The following ZNF503 variants were observed in gnomAD, a reference collection of about 807,000 sequenced individuals.
ZNF503 encodes the protein zinc finger protein 503.
ZNF503 carries 15 observed loss-of-function variants against 34.4 expected under a neutral mutation model. The ratio of observed to expected loss-of-function variants is 0.44; its 90% CI spans 0.29 to 0.67. ZNF503 has a LOEUF of 0.67. ZNF503 is among the 30% of genes least tolerant of loss of function. ZNF503 has a pLI of 0.13. For missense variants in ZNF503, 1,007 were observed against 926.8 expected, an observed-to-expected ratio of 1.09 and a Z score of -1.12; for synonymous variants, 580 against 456.8, an observed-to-expected ratio of 1.27 and a Z score of -3.44.
chr10:75,380,817 T>A, the ZNF503 span, among the ~76,000 whole-genome samples: 1 of 152,130 alleles, frequency 6.6e-6, no homozygotes. Flanking sequence ...TAATATTGTT[T>A]CAAAGTTCCA....
the ZNF503 span, among the ~76,000 whole-genome samples, chr10:75,371,853 TCTTAC>T: frequency 6.6e-6 from 1 of 152,190 alleles, no homozygotes; most frequent in African/African-American, 2.4e-5. Flanking sequence ...ACACCTACCA[TCTTAC>T]CTCTGCCACT....
At chr10:75,378,212 G>C in the ZNF503 span, among the ~76,000 whole-genome samples, 1 of 152,098 alleles carries the variant, frequency 6.6e-6, no homozygotes, top group Non-Finnish European at 1.5e-5. Flanking sequence ...TGAGGACACA[G>C]ATCCAAACCA....
the ZNF503 span, chr10:75,343,282 G>C: frequency 1.3e-5 from 2 of 152,250 alleles, no homozygotes; most frequent in African/African-American, 4.8e-5. Flanking sequence ...ACTCAGCCCA[G>C]GCTGCTGTGG....
chr10:75,302,370 G>T, the ZNF503 span, among the ~76,000 whole-genome samples: 10 of 73,994 alleles, frequency 1.4e-4, no homozygotes, highest in East Asian at 3.5e-3. Context: ...TCCTACTTGG[G>T]GTTTATTGAG....
chr10:75,396,385 A>C (rs1294818839), downstream of ZNF503, among the ~76,000 whole-genome samples: 1 of 152,148 alleles, frequency 6.6e-6, no homozygotes, highest in Admixed American at 6.5e-5. The surrounding 1 kb of genome is among the most constrained non-coding windows in gnomAD (Gnocchi z 4.4). Context: ...GTCCCCACCA[A>C]GTCAGTTCCA....
the ZNF503 span, among the ~76,000 whole-genome samples, chr10:75,316,315 T>G: frequency 6.6e-6 from 1 of 152,122 alleles, no homozygotes; most frequent in Non-Finnish European, 1.5e-5. Context: ...ATAGATGATA[T>G]GTTAGGCCAC....
the ZNF503 span, chr10:75,350,341 G>C: frequency 6.6e-6 from 1 of 152,314 alleles, no homozygotes; most frequent in Admixed American, 6.5e-5. Context: ...GAAAGGCAGT[G>C]CTGTTGTTAG....
downstream of ZNF503, among the ~76,000 whole-genome samples, chr10:75,395,753 C>T (rs1843689654): frequency 6.6e-6 from 1 of 152,234 alleles, no homozygotes; most frequent in Non-Finnish European, 1.5e-5. This position sits in a 1 kb window ranked among gnomAD's most constrained non-coding sequence, Gnocchi z 4.4. Context: ...GGCGCCCCAG[C>T]GCCGGAACGC....
chr10:75,351,177 T>G, the ZNF503 span, among the ~76,000 whole-genome samples: 1 of 152,124 alleles, frequency 6.6e-6, no homozygotes, highest in Admixed American at 6.6e-5. Context: ...GGTGGCAATT[T>G]TTTTTTCTTT....
the ZNF503 span, among the ~76,000 whole-genome samples, chr10:75,321,378 T>C: frequency 6.6e-6 from 1 of 152,162 alleles, no homozygotes; most frequent in African/African-American, 2.4e-5. Context: ...GATATTGCTA[T>C]AAAGATACCT....
rs1464228996 is a variant in ZNF503, at chr10:75,401,758, G to C, written c.-339C>G. ...ATGCGAGCCGCTGCGTGTCCAGCCG[G>C]GGCTCTGGCGAGGAAACTCACTTCA... is the stretch of plus-strand genomic sequence containing the variant. On this transcript the variant is annotated 5_prime_UTR_variant, in exon 1 of 2. Coordinates refer to ENST00000372524, the MANE Select transcript of ZNF503 (RefSeq NM_032772.6). The C allele has an allele frequency of 1.8e-5, 6 of 340,460 alleles. No homozygotes were observed. Among genetic ancestry groups the C allele is most frequent in the Non-Finnish European group, 3.2e-5 (6 of 189,176 alleles). The allele number at this position is 340,460 out of a possible 1,614,324, so 21.1% of individuals were successfully genotyped here.
At chr10:75,304,281 G>A in the ZNF503 span, among the ~76,000 whole-genome samples, 1 of 152,124 alleles carries the variant, frequency 6.6e-6, no homozygotes, top group African/African-American at 2.4e-5. Flanking sequence ...ACCTTACTTT[G>A]TCTAAAGCCT....
chr10:75,394,961 G>C (rs559302740), downstream of ZNF503, among the ~76,000 whole-genome samples: 8 of 152,218 alleles, frequency 5.3e-5, 1 homozygote, highest in South Asian at 1.7e-3. Context: ...CACAGGTAGG[G>C]GGATAAGATT....
At chr10:75,280,974 G>T in the ZNF503 span, among the ~76,000 whole-genome samples, 1 of 152,190 alleles carries the variant, frequency 6.6e-6, no homozygotes, top group Non-Finnish European at 1.5e-5. Context: ...TTCTCTGCCT[G>T]GCTGGAGCAA....
At chr10:75,363,701 A>C in the ZNF503 span, among the ~76,000 whole-genome samples, 11 of 152,334 alleles carry the variant, frequency 7.2e-5, no homozygotes, top group Non-Finnish European at 1.3e-4. Flanking sequence ...GAGAGGTCCT[A>C]AGTTTGACAG....
the ZNF503 span, among the ~76,000 whole-genome samples, chr10:75,372,417 G>A: frequency 4.6e-5 from 7 of 152,160 alleles, no homozygotes; most frequent in East Asian, 3.8e-4. Flanking sequence ...GATTGGGCTC[G>A]TCTACTCCAC....
the ZNF503 span, among the ~76,000 whole-genome samples, chr10:75,282,706 T>C: frequency 6.6e-6 from 1 of 152,154 alleles, no homozygotes; most frequent in Non-Finnish European, 1.5e-5. Context: ...GCTCTCAAGA[T>C]CTCAAGACCA....
At chr10:75,334,534 C>T in the ZNF503 span, among the ~76,000 whole-genome samples, 8 of 152,360 alleles carry the variant, frequency 5.3e-5, no homozygotes, top group African/African-American at 1.9e-4. Context: ...ATAACACTTT[C>T]TTCCTCCAGA....
rs1564761286 is a variant in ZNF503 at position 75,401,327 on chromosome 10, GGCAGGGTC to G, written c.85_92del (p.Asp29LeufsTer9). 6.7e-7 allele frequency: 1 copy of G among 1,489,226 alleles called. No homozygotes were observed. The highest frequency in any genetic ancestry group is 2.4e-5 in the East Asian group (1 of 41,032). 92.3% of individuals were successfully genotyped at this position (1,489,226 alleles called of 1,614,324 possible). Reference sequence around the variant, plus strand: ...TATTTCCAGAGAGCGCGCTGGTCCAGGCAGGGTCTGCACCGCCGCCTCCGCCTCCGCCG... The same window carrying G: ...TATTTCCAGAGAGCGCGCTGGTCCAGTGCACCGCCGCCTCCGCCTCCGCCG... On this transcript the variant is annotated frameshift_variant, in exon 1 of 2. Coordinates refer to ENST00000372524, the MANE Select transcript of ZNF503 (RefSeq NM_032772.6). LOFTEE classifies it high-confidence loss of function.
Sources: gnomAD v4.1 joint callset for allele counts (sites outside exome capture counted in the v4.1 genomes callset) on GRCh38, gnomAD v4.1.1 for gene constraint, Gnocchi (gnomAD v3.1) non-coding constraint, MANE v1.5 for transcripts, NCBI Gene and HGNC (gene_info 2026-07-23, HGNC 2026-07-21) for gene names.